PIK3C2G: variants seen among roughly 807,000 people sequenced by gnomAD.
PIK3C2G encodes phosphatidylinositol 3-kinase C2 domain-containing subunit gamma.
Under a neutral mutation model 181.1 loss-of-function variants are expected in PIK3C2G, and 168 were observed. The observed-to-expected ratio is 0.93, with a 90% confidence interval of 0.82 to 1.05. PIK3C2G has a LOEUF of 1.05. Ranked by LOEUF, PIK3C2G falls within the 50% of genes least tolerant of loss-of-function variation. The probability of loss-of-function intolerance (pLI) is 0.00; values close to 1 mark genes in which losing one functional copy is unlikely to be tolerated. For synonymous variants in PIK3C2G, 573 were observed against 592.2 expected, an observed-to-expected ratio of 0.97 and a Z score of 0.47; for missense variants, 1,869 against 1,732.8, an observed-to-expected ratio of 1.08 and a Z score of -1.40.
intron 29 of PIK3C2G, among the ~76,000 whole-genome samples, chr12:18,576,267 C>T (rs905110644): frequency 3.3e-5 from 5 of 152,182 alleles, no homozygotes; most frequent in Admixed American, 6.5e-5. Context: ...AGAGAATGAT[C>T]GTGGGAATCC....
At chr12:18,364,710 C>T (rs1422911113) in intron 12 of PIK3C2G, among the ~76,000 whole-genome samples, 2 of 151,926 alleles carry the variant, frequency 1.3e-5, no homozygotes, top group Non-Finnish European at 2.9e-5. Context: ...CCAGCCTGGC[C>T]AACATGGTGA....
At chr12:18,604,145 A>C (rs144079850) in intron 30 of PIK3C2G, among the ~76,000 whole-genome samples, 2 of 152,322 alleles carry the variant, frequency 1.3e-5, no homozygotes, top group East Asian at 1.9e-4. Flanking sequence ...TGCCTTCAGG[A>C]GACTCACCTA....
chr12:18,720,538 G>A, the PIK3C2G span, among the ~76,000 whole-genome samples: 1 of 151,476 alleles, frequency 6.6e-6, no homozygotes, highest in Non-Finnish European at 1.5e-5. Flanking sequence ...ATATGATCTT[G>A]AGCATATTAG....
At chr12:18,315,703 TC>T (rs1950829595) in intron 6 of PIK3C2G, among the ~76,000 whole-genome samples, 1 of 152,114 alleles carries the variant, frequency 6.6e-6, no homozygotes, top group Non-Finnish European at 1.5e-5. Flanking sequence ...ATCAAGACTT[TC>T]CCAAGATTAA....
chr12:18,425,981 A>G (rs1326059005), intron 18 of PIK3C2G, among the ~76,000 whole-genome samples: 1 of 152,224 alleles, frequency 6.6e-6, no homozygotes, highest in Non-Finnish European at 1.5e-5. Flanking sequence ...TACACAATAT[A>G]TCCTTGGATT....
intron 24 of PIK3C2G, among the ~76,000 whole-genome samples, chr12:18,534,037 C>T (rs1042432253): frequency 6.7e-6 from 1 of 148,822 alleles, no homozygotes; most frequent in Non-Finnish European, 1.5e-5. Context: ...GCAACCTCCC[C>T]CTCCAGGGTT....
chr12:18,371,398 G>C, intron 13 of PIK3C2G, 87 bp downstream of exon 13: 1 of 1,073,668 alleles, frequency 9.3e-7, no homozygotes, highest in Non-Finnish European at 1.3e-6. Context: ...GGCATAATGA[G>C]GAAATCAAGA....
chr12:18,409,589 A>G (rs1269706695), intron 16 of PIK3C2G, among the ~76,000 whole-genome samples: 1 of 152,142 alleles, frequency 6.6e-6, no homozygotes, highest in Non-Finnish European at 1.5e-5. Context: ...TTAGGAAGCA[A>G]TGGAAGTAGT....
intron 12 of PIK3C2G, among the ~76,000 whole-genome samples, chr12:18,366,731 C>T: frequency 7.0e-6 from 1 of 143,692 alleles, no homozygotes; most frequent in African/African-American, 2.6e-5. Flanking sequence ...TATACCTGTT[C>T]CTTGGTTTAA....
chr12:18,448,226 T>A (rs1051710203), intron 18 of PIK3C2G, among the ~76,000 whole-genome samples: 2 of 152,180 alleles, frequency 1.3e-5, no homozygotes, highest in Non-Finnish European at 2.9e-5. Flanking sequence ...AGTTTGTGTA[T>A]GTTTTGTAAT....
At chr12:18,580,813 C>T (rs1946458597) in intron 29 of PIK3C2G, among the ~76,000 whole-genome samples, 2 of 152,252 alleles carry the variant, frequency 1.3e-5, no homozygotes, top group Admixed American at 6.5e-5. Context: ...TATGGAAATT[C>T]GTTTTTAAAT....
chr12:18,687,028 T>A, the PIK3C2G span, among the ~76,000 whole-genome samples: 1 of 152,084 alleles, frequency 6.6e-6, no homozygotes, highest in Non-Finnish European at 1.5e-5. Context: ...TAGATTATTA[T>A]AAGCTTCATG....
At chr12:18,270,033 C>T (rs2137047698) in intron 1 of PIK3C2G, among the ~76,000 whole-genome samples, 2 of 151,732 alleles carry the variant, frequency 1.3e-5, no homozygotes, top group Middle Eastern at 3.4e-3. Flanking sequence ...CCTCAGCCTC[C>T]CATGTAGCTG....
At position 18,368,289 on chromosome 12, in the gene PIK3C2G, C is replaced by T. The variant is rs530792627; in HGVS notation, c.1749-2891C>T. ...AATAATTGAATAAATGAATATAATGCGGTATACAACCTACAATTTGCCATA... is the reference window on the plus strand; with the variant it reads ...AATAATTGAATAAATGAATATAATGTGGTATACAACCTACAATTTGCCATA... On this transcript the variant is annotated intron_variant, in intron 12 of 32. Coordinates refer to ENST00000538779, the MANE Select transcript of PIK3C2G (RefSeq NM_001288772.2). 1.3e-4 allele frequency among the ~76,000 whole-genome samples: 20 copies of T among 152,232 alleles called. No homozygotes were observed. The South Asian group carries it at 2.1e-3, about 16-fold the overall frequency.
the PIK3C2G span, among the ~76,000 whole-genome samples, chr12:18,664,828 C>T: frequency 0.39 from 58,755 of 150,276 alleles, 13,576 homozygotes; most frequent in South Asian, 0.59. Flanking sequence ...TATGCAGCCA[C>T]AAAAAATGAT....
intron 16 of PIK3C2G, among the ~76,000 whole-genome samples, chr12:18,407,707 A>T (rs1391350457): frequency 1.3e-5 from 2 of 152,162 alleles, no homozygotes; most frequent in African/African-American, 4.8e-5. Flanking sequence ...AAAGGAGAAA[A>T]GTCTTCCTTA....
intron 20 of PIK3C2G, 142 bp downstream of exon 20, chr12:18,491,700 T>C (rs1364603465): frequency 1.3e-5 from 7 of 554,880 alleles, no homozygotes; most frequent in African/African-American, 9.3e-5. Context: ...TCCATTTACA[T>C]TGTGTTTTCC....
Position 18,546,373 on chromosome 12 carries a change from T to C in PIK3C2G, c.3531T>C (p.Tyr1177=). ...PELSGIQDLK[Y]VYNNLRPQDT... The stretch of plus-strand genomic sequence containing the variant: ...TAAGTGGAATTCAAGACCTGAAATA[T>C]GTGTATAATAATCTTCGTCCACAAG... Residue 1177 remains tyrosine, a synonymous_variant, in exon 26 of 33, where the codon TAT becomes TAC. Transcript: ENST00000538779. The C allele has an allele frequency of 1.2e-6, 2 of 1,602,450 alleles. No individual in the cohort carries two copies. Among genetic ancestry groups the C allele is most frequent in the South Asian group, 1.1e-5 (1 of 88,876 alleles).
intron 18 of PIK3C2G, among the ~76,000 whole-genome samples, chr12:18,451,690 A>G (rs1947369339): frequency 6.6e-6 from 1 of 152,218 alleles, no homozygotes; most frequent in Non-Finnish European, 1.5e-5. Context: ...TTGCCCATTC[A>G]GTATGATATT....
Sources: gnomAD v4.1 joint callset for allele counts (sites outside exome capture counted in the v4.1 genomes callset) on GRCh38, gnomAD v4.1.1 for gene constraint, MANE v1.5 for transcripts, NCBI Gene and HGNC (gene_info 2026-07-23, HGNC 2026-07-21) for gene names.